ETV1: variants seen among roughly 807,000 people sequenced by gnomAD.
ETV1 encodes ETS variant transcription factor 1, also known as ETS translocation variant 1.
A neutral mutation model predicts 62.3 loss-of-function variants in ETV1; 27 were observed. The ratio of observed to expected loss-of-function variants is 0.43; its 90% CI spans 0.32 to 0.60. The LOEUF (loss-of-function observed/expected upper bound fraction) is 0.60, where lower values mean the gene tolerates loss of function less well. ETV1 is among the 20% of genes least tolerant of loss of function. The pLI is 0.06. For missense variants in ETV1, 605 were observed against 605.8 expected, an observed-to-expected ratio of 1.00 and a Z score of 0.01; for synonymous variants, 222 against 199.6, an observed-to-expected ratio of 1.11 and a Z score of -0.94.
chr7:13,990,563 G>A (rs550656846), upstream of ETV1: 1 of 152,366 alleles, frequency 6.6e-6, no homozygotes, highest in Admixed American at 6.5e-5. Flanking sequence ...TGTACTTGAC[G>A]CTTTCACTTC....
intron 9 of ETV1, among the ~76,000 whole-genome samples, chr7:13,917,420 T>A (rs62454577): frequency 9.9e-5 from 15 of 151,474 alleles, no homozygotes; most frequent in Admixed American, 9.9e-4. Flanking sequence ...CGGGTTCAAG[T>A]GATTCTCCCG....
intron 12 of ETV1, among the ~76,000 whole-genome samples, chr7:13,902,680 T>G (rs879824833): frequency 1.2e-4 from 18 of 152,188 alleles, no homozygotes; most frequent in Non-Finnish European, 1.9e-4. Flanking sequence ...AGTATCTCCT[T>G]AAACAATAAT....
chr7:13,946,276 T>C (rs143148785), intron 6 of ETV1, among the ~76,000 whole-genome samples: 1 of 152,294 alleles, frequency 6.6e-6, no homozygotes, highest in Non-Finnish European at 1.5e-5. Flanking sequence ...GACAATCAAA[T>C]TTTTGGGAGG....
chr7:13,923,798 T>C (rs1785114647), intron 9 of ETV1, among the ~76,000 whole-genome samples: 1 of 152,064 alleles, frequency 6.6e-6, no homozygotes, highest in Non-Finnish European at 1.5e-5. Context: ...TCTGGGAGGC[T>C]GAGGCGGGCG....
intron 5 of ETV1, among the ~76,000 whole-genome samples, chr7:13,978,557 C>T (rs1781675877): frequency 1.3e-5 from 2 of 151,766 alleles, no homozygotes; most frequent in Admixed American, 1.3e-4. Context: ...TTTATCCAGC[C>T]AAGTCATATT....
intron 6 of ETV1, among the ~76,000 whole-genome samples, chr7:13,949,721 G>A (rs538971841): frequency 6.6e-6 from 1 of 152,102 alleles, no homozygotes; most frequent in Non-Finnish European, 1.5e-5. Flanking sequence ...CAAAACAAGC[G>A]ATAACATTTC....
intron 6 of ETV1, among the ~76,000 whole-genome samples, chr7:13,969,555 G>A (rs562732660): frequency 3.9e-5 from 6 of 152,150 alleles, no homozygotes; most frequent in Non-Finnish European, 7.4e-5. Context: ...TCCACGAAAG[G>A]CCTGCATCAG....
At chr7:13,901,162 G>A (rs1263257835) in intron 12 of ETV1, among the ~76,000 whole-genome samples, 2 of 152,022 alleles carry the variant, frequency 1.3e-5, no homozygotes, top group African/African-American at 2.4e-5. Flanking sequence ...GCCCCACCAC[G>A]CCCGGCTAAT....
At chr7:13,931,880 C>A (rs1786222017) in intron 8 of ETV1, 131 bp from the exon 9 acceptor site, 3 of 1,108,154 alleles carry the variant, frequency 2.7e-6, no homozygotes, top group Non-Finnish European at 2.6e-6. Flanking sequence ...CTTTAACAAG[C>A]ATTACGTTTT....
Position 13,935,855 on chromosome 7 carries a change from T to C in ETV1, c.407A>G (p.Asn136Ser), listed in dbSNP as rs757351742. 6.2e-7 allele frequency: 1 copy of C among 1,613,260 alleles called. No individual in the cohort carries two copies. Among genetic ancestry groups the C allele is most frequent in the South Asian group, 1.1e-5 (1 of 91,050 alleles). Reference protein sequence around the residue: ...QKPQVGMRPSNPPTPSSTPVS... With the variant: ...QKPQVGMRPSSPPTPSSTPVS... ...TGGCGTGCTGGATGGTGTGGGGGGG[T>C]TGGAGGGCCTCATTCCCACTTGTGG... Residue 136 changes from asparagine to serine, a missense_variant, in exon 8 of 14, where the codon AAC becomes AGC. This residue lies in a region of ETV1 where 426 missense variants were observed against 377.8 expected (regional missense o/e 1.13). Coordinates refer to ENST00000430479, the MANE Select transcript of ETV1 (RefSeq NM_004956.5).
chr7:13,986,082 A>T, intron 5 of ETV1: 1 of 1,486,642 alleles, frequency 6.7e-7, no homozygotes, highest in Non-Finnish European at 9.2e-7. Flanking sequence ...CATTTATTTT[A>T]AACCCATAGA....
chr7:13,915,094 C>G (rs1784006960), intron 9 of ETV1, among the ~76,000 whole-genome samples: 1 of 152,124 alleles, frequency 6.6e-6, no homozygotes, highest in African/African-American at 2.4e-5. Context: ...AATGAGAAAT[C>G]TCAGTAAAAT....
At chr7:13,956,834 T>C (rs1171317444) in intron 6 of ETV1, among the ~76,000 whole-genome samples, 1 of 152,284 alleles carries the variant, frequency 6.6e-6, no homozygotes, top group East Asian at 1.9e-4. Context: ...TTTGATTTTA[T>C]TGTCACATAA....
At position 13,895,954 on chromosome 7, in the gene ETV1, G is replaced by T; in HGVS notation, c.1346C>A (p.Pro449His). 6.2e-7 allele frequency: 1 copy of T among 1,613,730 alleles called. No homozygotes were observed. The highest frequency in any genetic ancestry group is 8.5e-7 in the Non-Finnish European group (1 of 1,179,806). ...ERHINEEDTV[P>H]LSHFDESMAY... ...CATGCTCTCATCAAAGTGAGAAAGAGGCACTGTGTCCTCCTCGTTGATGTG... is the reference window on the plus strand; with the variant it reads ...CATGCTCTCATCAAAGTGAGAAAGATGCACTGTGTCCTCCTCGTTGATGTG... The change falls in exon 14 of 14, where the codon CCT becomes CAT. Residue 449 changes from proline to histidine, a missense_variant. Physicochemically the swap from Pro to His is moderately conservative, Grantham distance 77 (BLOSUM62 -2). Around this residue, in one of 3 missense-constraint regions of ETV1, gnomAD observed 79 missense variants for 71.6 expected, o/e 1.10. Coordinates refer to ENST00000430479, the MANE Select transcript of ETV1 (RefSeq NM_004956.5).
At chr7:13,990,166 A>C (rs117221553), upstream of ETV1, among the ~76,000 whole-genome samples, 1 of 151,660 alleles carries the variant, frequency 6.6e-6, no homozygotes, top group Admixed American at 6.6e-5. Flanking sequence ...CCTCATTCCC[A>C]CTCAGCTTTT....
At chr7:13,957,279 G>A (rs1425941641) in intron 6 of ETV1, among the ~76,000 whole-genome samples, 1 of 151,856 alleles carries the variant, frequency 6.6e-6, no homozygotes, top group Non-Finnish European at 1.5e-5. Context: ...GTAGTGACGG[G>A]GTTTCACCGT....
chr7:13,962,882 C>T (rs925991117), intron 6 of ETV1, among the ~76,000 whole-genome samples: 8 of 151,986 alleles, frequency 5.3e-5, no homozygotes, highest in Admixed American at 1.3e-4. Flanking sequence ...CACAAGCATA[C>T]GAATATATAT....
intron 10 of ETV1, 72 bp from the exon 11 acceptor site, chr7:13,909,772 T>A: frequency 7.8e-7 from 1 of 1,289,748 alleles, no homozygotes; most frequent in Non-Finnish European, 1.1e-6. Flanking sequence ...TATAACCATT[T>A]AACATAAAAA....
intron 12 of ETV1, 35 bp downstream of exon 12, chr7:13,906,395 G>A (rs1287909278): frequency 1.9e-5 from 26 of 1,391,766 alleles, no homozygotes; most frequent in Non-Finnish European, 2.4e-5. Flanking sequence ...GTTATAACAT[G>A]TCTGAGTGTC....
Sources: gnomAD v4.1 joint callset for allele counts (sites outside exome capture counted in the v4.1 genomes callset) on GRCh38, gnomAD v4.1.1 for gene constraint, gnomAD v4.1.1 regional missense constraint, MANE v1.5 for transcripts, NCBI Gene and HGNC (gene_info 2026-07-23, HGNC 2026-07-21) for gene names.